PPP2R2A: variants seen among roughly 807,000 people sequenced by gnomAD.
PPP2R2A encodes the protein serine/threonine-protein phosphatase 2A 55 kDa regulatory subunit B alpha isoform.
PPP2R2A carries 9 observed loss-of-function variants against 53.2 expected under a neutral mutation model. The observed-to-expected ratio is 0.17, with a 90% CI of 0.10 to 0.30. The LOEUF (loss-of-function observed/expected upper bound fraction) is 0.30. PPP2R2A is among the 10% of genes least tolerant of loss of function. The pLI, the probability that PPP2R2A is intolerant of heterozygous loss-of-function variation, is 1.00. For synonymous variants in PPP2R2A, 169 were observed against 174.2 expected, an observed-to-expected ratio of 0.97 and a Z score of 0.23; for missense variants, 235 against 534.6, an observed-to-expected ratio of 0.44 and a Z score of 5.53.
chr8:26,294,565 T>C (rs1315854530), intron 2 of PPP2R2A, among the ~76,000 whole-genome samples: 1 of 152,228 alleles, frequency 6.6e-6, no homozygotes, highest in Non-Finnish European at 1.5e-5. Context: ...TTGTGTGTCT[T>C]GAATTACAGT....
In PPP2R2A at chr8:26,321,221, G is replaced by A. The variant is rs1802822254; in HGVS notation, c.83-17669G>A. Among the ~76,000 whole-genome samples, 1 of 152,180 alleles carries A rather than the reference G, an allele frequency of 6.6e-6. No individual in the cohort carries two copies. Among genetic ancestry groups the A allele is most frequent in the African/African-American group, 2.4e-5 (1 of 41,444 alleles). Reference sequence around the variant, plus strand: ...TGAATAGCCAGAGTTAGAATTGAAGGGGGAGCCACTGGACAATTGGTTCAT... The same window carrying A: ...TGAATAGCCAGAGTTAGAATTGAAGAGGGAGCCACTGGACAATTGGTTCAT... On this transcript the variant is annotated intron_variant, in intron 2 of 9. Coordinates refer to ENST00000380737, the MANE Select transcript of PPP2R2A (RefSeq NM_002717.4). The surrounding 1 kb of genome is among the most constrained non-coding windows in gnomAD (Gnocchi z 4.1).
chr8:26,345,525 T>C (rs776937991), intron 3 of PPP2R2A, among the ~76,000 whole-genome samples: 6 of 152,232 alleles, frequency 3.9e-5, no homozygotes, highest in Non-Finnish European at 7.3e-5. Context: ...TGATTTTTTT[T>C]CTCACATACT....
At chr8:26,292,182 C>A in intron 1 of PPP2R2A, 3 of 1,159,736 alleles carry the variant, frequency 2.6e-6, no homozygotes, top group Non-Finnish European at 1.1e-6. Context: ...TTGCCCCCCG[C>A]CTTTATTTTT....
chr8:26,353,792 GAAAGC>G (rs1210299654), intron 3 of PPP2R2A, among the ~76,000 whole-genome samples: 1 of 152,148 alleles, frequency 6.6e-6, no homozygotes, highest in African/African-American at 2.4e-5. Flanking sequence ...CATAAGATGA[GAAAGC>G]AAATTTAAGG....
chr8:26,300,778 G>C (rs1801744816), intron 2 of PPP2R2A, among the ~76,000 whole-genome samples: 1 of 152,310 alleles, frequency 6.6e-6, no homozygotes, highest in African/African-American at 2.4e-5. Context: ...TTGAACCTGG[G>C]AGGTGGAGGT....
In PPP2R2A at chr8:26,360,380, C is replaced by A; in HGVS notation, c.459+99C>A. On this transcript the variant is annotated intron_variant, in intron 5 of 9. Transcript: ENST00000380737. This position sits in a 1 kb window ranked among gnomAD's most constrained non-coding sequence, Gnocchi z 4.5. ...TTGAATAGGAATAATTACAGTCTAT[C>A]TCCCCTTTCCCAGTAATTCTGTAAT... 1 of 635,692 alleles carries A rather than the reference C, an allele frequency of 1.6e-6. No individual in the cohort carries two copies. The highest frequency in any genetic ancestry group is 2.5e-5 in the South Asian group (1 of 40,712). The allele number at this position is 635,692 out of a possible 1,614,324, so 39.4% of individuals were successfully genotyped here.
intron 3 of PPP2R2A, among the ~76,000 whole-genome samples, chr8:26,339,625 A>G (rs1020095577): frequency 6.6e-6 from 1 of 152,106 alleles, no homozygotes; most frequent in African/African-American, 2.4e-5. Context: ...TTTCTCACTA[A>G]AAATTTTTTG....
At chr8:26,344,536 T>C (rs1804111054) in intron 3 of PPP2R2A, among the ~76,000 whole-genome samples, 1 of 152,180 alleles carries the variant, frequency 6.6e-6, no homozygotes, top group Non-Finnish European at 1.5e-5. Flanking sequence ...CTGTTTTCTG[T>C]CATAGGTGTT....
chr8:26,311,129 T>A (rs920386080), intron 2 of PPP2R2A, among the ~76,000 whole-genome samples: 1 of 152,212 alleles, frequency 6.6e-6, no homozygotes, highest in African/African-American at 2.4e-5. Flanking sequence ...AGTTTTCTTA[T>A]CTGTAAATGG....
In PPP2R2A at chr8:26,362,420, G is replaced by T. The variant is rs978620726; in HGVS notation, c.638-264G>T. Among the ~76,000 whole-genome samples the T allele has an allele frequency of 6.6e-6, 1 of 151,832 alleles. No individual in the cohort carries two copies. The highest frequency in any genetic ancestry group is 1.5e-5 in the Non-Finnish European group (1 of 67,972). On this transcript the variant is annotated intron_variant, in intron 6 of 9. Coordinates refer to ENST00000380737, the MANE Select transcript of PPP2R2A (RefSeq NM_002717.4). This position sits in a 1 kb window ranked among gnomAD's most constrained non-coding sequence, Gnocchi z 4.4. Reference sequence around the variant, plus strand: ...TTCTGGAGACTGATGCAGTAGAATCGCTTGAACCTGGGAGTCGGAGGCTGC... The same window carrying T: ...TTCTGGAGACTGATGCAGTAGAATCTCTTGAACCTGGGAGTCGGAGGCTGC...
intron 8 of PPP2R2A, chr8:26,365,228 A>C (rs563054366): frequency 6.6e-6 from 1 of 152,342 alleles, no homozygotes; most frequent in South Asian, 2.1e-4. Context: ...TATCATATAT[A>C]GATAAAACTA....
At chr8:26,353,241 G>A (rs909872447) in intron 3 of PPP2R2A, among the ~76,000 whole-genome samples, 1 of 152,124 alleles carries the variant, frequency 6.6e-6, no homozygotes, top group Non-Finnish European at 1.5e-5. Context: ...GTGTATCCCC[G>A]ATATGTGGAT....
chr8:26,366,358 A>G lies in PPP2R2A; in HGVS notation c.1016A>G (p.Asn339Ser). 2 of 1,602,668 alleles carry G rather than the reference A, an allele frequency of 1.2e-6. No individual in the cohort carries two copies. The highest frequency in any genetic ancestry group is 1.7e-6 in the Non-Finnish European group (2 of 1,176,368). Residue 339 changes from asparagine (N) to serine (S), a missense_variant, in exon 9 of 10, where the codon AAT (asparagine) becomes AGT (serine). By Grantham distance (46) the Asn-to-Ser change is conservative (BLOSUM62 1). This residue lies in a region of PPP2R2A where 181 missense variants were observed against 409.9 expected (regional missense o/e 0.44). Transcript: ENST00000380737. ...LRSKLCSLYE[N>S]DCIFDKFECC... ...AGTAAACTCTGTTCACTGTATGAAA[A>G]TGACTGCATATTTGACAAATTTGAA...
At chr8:26,340,988 G>A (rs953043253) in intron 3 of PPP2R2A, among the ~76,000 whole-genome samples, 37 of 152,146 alleles carry the variant, frequency 2.4e-4, no homozygotes, top group African/African-American at 8.4e-4. Context: ...CTTGTAAGAA[G>A]AATTGAGCAG....
chr8:26,350,745 C>G (rs920311343), intron 3 of PPP2R2A: 1 of 152,130 alleles, frequency 6.6e-6, no homozygotes, highest in Non-Finnish European at 1.5e-5. Context: ...TGGATGTTAT[C>G]TTTTGGAAGT....
At position 26,291,529 on chromosome 8, in the gene PPP2R2A, A is replaced by G. The variant is rs1348815372; in HGVS notation, c.-291A>G. On this transcript the variant is annotated 5_prime_UTR_variant, in exon 1 of 10. Transcript: ENST00000380737. ...GGCCAGGCCAGCCGGCGCCATTTTG[A>G]AAGTGGAGTCGCCTGCCCCTGCCGC... The G allele has an allele frequency of 3.1e-6, 1 of 326,396 alleles. No individual in the cohort carries two copies. Among genetic ancestry groups the G allele is most frequent in the Non-Finnish European group, 5.8e-6 (1 of 172,996 alleles). The allele number at this position is 326,396 out of a possible 1,614,324, so 20.2% of individuals were successfully genotyped here. A position where few individuals can be genotyped will look rare whatever the true frequency, so the allele number is the denominator to read the frequency against.
At chr8:26,327,209 C>T (rs530648942) in intron 2 of PPP2R2A, among the ~76,000 whole-genome samples, 1 of 152,234 alleles carries the variant, frequency 6.6e-6, no homozygotes, top group African/African-American at 2.4e-5. Flanking sequence ...AGCATTAAAT[C>T]GAGGGTGTGC....
rs748266258 is a variant in PPP2R2A at position 26,360,250 on chromosome 8, A to G, written c.428A>G (p.Tyr143Cys). ...AACTTGAAAGAGGAGGATGGAAGGT[A>G]TAGAGATCCTACTACAGTTACTACA... ...GYNLKEEDGR[Y>C]RDPTTVTTLR... is the part of the protein sequence containing the mutation. Residue 143 changes from tyrosine (Y) to cysteine (C), a missense_variant, in exon 5 of 10, where the codon TAT (tyrosine) becomes TGT (cysteine). By Grantham distance (194) the Tyr-to-Cys change is radical. Transcript: ENST00000380737. The surrounding 1 kb of genome is among the most constrained non-coding windows in gnomAD (Gnocchi z 4.5). The G allele has an allele frequency of 6.2e-6, 10 of 1,607,696 alleles. No individual in the cohort carries two copies. The highest frequency in any genetic ancestry group is 8.5e-6 in the Non-Finnish European group (10 of 1,175,142).
intron 2 of PPP2R2A, among the ~76,000 whole-genome samples, chr8:26,313,666 A>C (rs1356343538): frequency 6.6e-6 from 1 of 152,206 alleles, no homozygotes; most frequent in Non-Finnish European, 1.5e-5. Flanking sequence ...ATATGTAAGC[A>C]CAAGGATGCT....
Sources: gnomAD v4.1 joint callset for allele counts (sites outside exome capture counted in the v4.1 genomes callset) on GRCh38, gnomAD v4.1.1 for gene constraint, gnomAD v4.1.1 regional missense constraint, Gnocchi (gnomAD v3.1) non-coding constraint, MANE v1.5 for transcripts, NCBI Gene and HGNC (gene_info 2026-07-23, HGNC 2026-07-21) for gene names.